ZNF713: variants seen among roughly 807,000 people sequenced by gnomAD.
The protein encoded by ZNF713 is zinc finger protein 713.
A neutral mutation model predicts 28.7 loss-of-function variants in ZNF713; 21 were observed. The observed-to-expected ratio is 0.73, with a 90% CI of 0.52 to 1.05. The LOEUF (loss-of-function observed/expected upper bound fraction) is 1.05, where lower values mean the gene tolerates loss of function less well. ZNF713 is among the 50% of genes least tolerant of loss of function. The probability of loss-of-function intolerance (pLI) is 0.00; values close to 1 mark genes in which losing one functional copy is unlikely to be tolerated. For synonymous variants in ZNF713, 167 were observed against 178.0 expected (o/e 0.94, Z 0.49); for missense variants, 458 against 532.4 (o/e 0.86, Z 1.37).
At chr7:55,924,860 C>G (rs149247165) in intron 6 of ZNF713, 1 of 152,024 alleles carries the variant, frequency 6.6e-6, no homozygotes, top group Non-Finnish European at 1.5e-5. Context: ...GGTAACAGAG[C>G]GAAACTCCAT....
At chr7:55,900,779 G>A (rs888241546) in intron 1 of ZNF713, among the ~76,000 whole-genome samples, 3 of 152,168 alleles carry the variant, frequency 2.0e-5, no homozygotes, top group Non-Finnish European at 2.9e-5. Context: ...CTATTACACA[G>A]AATGATGACT....
At chr7:55,935,928 C>T (rs113884219) in intron 6 of ZNF713, among the ~76,000 whole-genome samples, 6,610 of 151,742 alleles carry the variant, frequency 0.044, 169 homozygotes, top group South Asian at 0.063. Flanking sequence ...GCACTCCAGC[C>T]TGGGCAACAG....
chr7:55,917,718 GAAA>G (rs1161130463), intron 4 of ZNF713, among the ~76,000 whole-genome samples: 1 of 146,016 alleles, frequency 6.8e-6, no homozygotes, highest in Non-Finnish European at 1.5e-5. Context: ...AAAAAAAAAA[GAAA>G]AAAAATTTTA....
intron 1 of ZNF713, among the ~76,000 whole-genome samples, chr7:55,891,076 G>A (rs925785220): frequency 3.9e-5 from 6 of 151,974 alleles, no homozygotes; most frequent in African/African-American, 1.4e-4. Context: ...ATAGATTAAG[G>A]TTTTAAACTA....
rs560118939 is a variant in ZNF713, at chr7:55,892,952, T to C, written c.-583+5272T>C. Among the ~76,000 whole-genome samples, 10 of 151,236 alleles carry C rather than the reference T, an allele frequency of 6.6e-5. No individual in the cohort carries two copies. The East Asian group carries it at 2.0e-3, about 30-fold the overall frequency. ...GGCTGGAGTGCAGTGGTGTGATCTC[T>C]GCTCACTGCAAGCTCCGTCTCCCGG... On this transcript the variant is annotated intron_variant, in intron 1 of 6. Transcript: ENST00000429591.
At chr7:55,887,713 AGGCGGAGGCGGGG>A (rs1562730926) in intron 1 of ZNF713, 33 bp downstream of exon 1, 3 of 45,658 alleles carry the variant, frequency 6.6e-5, no homozygotes, top group Admixed American at 1.9e-4. Flanking sequence ...CGGAGGCGGG[AGGCGGAGGCGGGG>A]GGCGGAGGCG....
chr7:55,912,257 C>T (rs572950699), intron 3 of ZNF713, among the ~76,000 whole-genome samples, 189 bp downstream of exon 3: 20 of 152,346 alleles, frequency 1.3e-4, no homozygotes, highest in African/African-American at 4.6e-4. Flanking sequence ...TTCTCATCTA[C>T]ACTTAGAGTC....
At chr7:55,931,158 C>T (rs1042774192) in intron 6 of ZNF713, among the ~76,000 whole-genome samples, 15 of 151,878 alleles carry the variant, frequency 9.9e-5, no homozygotes, top group Admixed American at 4.6e-4. Flanking sequence ...TGGTGGCGGG[C>T]GCCTGTAATC....
intron 6 of ZNF713, among the ~76,000 whole-genome samples, chr7:55,925,986 C>A (rs889921851): frequency 2.6e-5 from 4 of 152,104 alleles, no homozygotes; most frequent in African/African-American, 9.7e-5. Context: ...CTACACAGAC[C>A]CCCAACTCGA....
intron 1 of ZNF713, among the ~76,000 whole-genome samples, chr7:55,896,175 C>T (rs989988240): frequency 2.0e-5 from 3 of 151,808 alleles, no homozygotes; most frequent in African/African-American, 4.8e-5. Context: ...AGAATAAATA[C>T]AATAAAAAAT....
Position 55,941,692 on chromosome 7 carries a change from A to G in ZNF713, c.*1686A>G, listed in dbSNP as rs1312604157. ...ATAAAATAAGTTATATGCTAGTTTT[A>G]TATGCTAATTAAATTTATTCTACTC... On this transcript the variant is annotated 3_prime_UTR_variant, in exon 7 of 7. Coordinates refer to ENST00000429591, the MANE Select transcript of ZNF713 (RefSeq NM_182633.3). 6.6e-6 allele frequency: 1 copy of G among 152,124 alleles called. No individual in the cohort carries two copies. The highest frequency in any genetic ancestry group is 1.5e-5 in the Non-Finnish European group (1 of 68,036). The allele number at this position is 152,124 out of a possible 1,614,324, so 9.4% of individuals were successfully genotyped here. A position where few individuals can be genotyped will look rare whatever the true frequency, so the allele number is the denominator to read the frequency against.
Position 55,923,637 on chromosome 7 carries a change from C to G in ZNF713, c.245C>G (p.Ala82Gly). Residue 82 changes from alanine to glycine, a missense_variant, in exon 6 of 7, where the codon GCG (alanine) becomes GGG (glycine). Coordinates refer to ENST00000429591, the MANE Select transcript of ZNF713 (RefSeq NM_182633.3). ...CAGCTTTGTAAGCCAGAGGTAATCG[C>G]GCAGTTGGAGCTAGAGGAAGAATGG... Reference protein sequence around the residue: ...GYQLCKPEVIAQLELEEEWVI... With the variant: ...GYQLCKPEVIGQLELEEEWVI... 4 of 1,610,300 alleles carry G rather than the reference C, an allele frequency of 2.5e-6. No individual in the cohort carries two copies. The highest frequency in any genetic ancestry group is 1.7e-6 in the Non-Finnish European group (2 of 1,178,196).
At chr7:55,918,544 T>G (rs976943896) in intron 4 of ZNF713, among the ~76,000 whole-genome samples, 5 of 152,152 alleles carry the variant, frequency 3.3e-5, no homozygotes, top group Admixed American at 2.6e-4. Flanking sequence ...GGGGATAAGA[T>G]AGAAAACGAG....
At chr7:55,888,907 C>T (rs1035029241) in intron 1 of ZNF713, among the ~76,000 whole-genome samples, 2 of 151,788 alleles carry the variant, frequency 1.3e-5, no homozygotes, top group African/African-American at 2.4e-5. Flanking sequence ...AAAAATTAAC[C>T]GGACTTGGTG....
At chr7:55,929,315 G>C (rs1786164124) in intron 6 of ZNF713, among the ~76,000 whole-genome samples, 2 of 152,168 alleles carry the variant, frequency 1.3e-5, no homozygotes, top group South Asian at 4.1e-4. Flanking sequence ...AATGAAGTCA[G>C]ACCAACTGAA....
intron 6 of ZNF713, among the ~76,000 whole-genome samples, chr7:55,936,921 T>C (rs1017404573): frequency 6.6e-6 from 1 of 152,056 alleles, no homozygotes; most frequent in African/African-American, 2.4e-5. Flanking sequence ...CTAAGCTGAG[T>C]GAAGCCACTC....
rs747072160 is a variant in ZNF713 at position 55,923,236 on chromosome 7, G to C, written c.162G>C (p.Lys54Asn). The change falls in exon 5 of 7, where the codon AAG becomes AAC. Residue 54 changes from lysine (K) to asparagine (N), a missense_variant. Coordinates refer to ENST00000429591, the MANE Select transcript of ZNF713 (RefSeq NM_182633.3). The stretch of plus-strand genomic sequence containing the variant: ...GGGACCAGCTGTACCCTGCCCAAAA[G>C]AACCTCTATCGAGACGTGATGCTGG... The part of the protein sequence containing the change: ...EEWDQLYPAQ[K>N]NLYRDVMLEN... 1.6e-5 allele frequency: 26 copies of C among 1,613,950 alleles called. No individual in the cohort carries two copies. Among genetic ancestry groups the C allele is most frequent in the Non-Finnish European group, 2.2e-5 (26 of 1,179,942 alleles).
At chr7:55,926,852 C>T (rs928697063) in intron 6 of ZNF713, among the ~76,000 whole-genome samples, 5 of 152,098 alleles carry the variant, frequency 3.3e-5, no homozygotes, top group African/African-American at 1.2e-4. Flanking sequence ...GACTGAGGGC[C>T]GGGCACAGTG....
intron 4 of ZNF713, among the ~76,000 whole-genome samples, chr7:55,915,232 G>T (rs1400338304): frequency 2.0e-5 from 3 of 152,228 alleles, no homozygotes; most frequent in African/African-American, 7.2e-5. Flanking sequence ...TCTAGCCCAA[G>T]GAGTTAGTTT....
Sources: allele counts gnomAD v4.1 joint callset (sites outside exome capture counted in the v4.1 genomes callset), GRCh38; gene constraint gnomAD v4.1.1; transcripts MANE v1.5; gene names NCBI Gene and HGNC (gene_info 2026-07-23, HGNC 2026-07-21).